The following RALGPS1 variants were observed in gnomAD, a reference collection of about 807,000 sequenced individuals.
The protein encoded by RALGPS1 is Ral GEF with PH domain and SH3 binding motif 1.
A neutral mutation model predicts 78.8 loss-of-function variants in RALGPS1; 19 were observed. The ratio of observed to expected loss-of-function variants is 0.24; its 90% CI spans 0.17 to 0.35. The LOEUF is 0.35. Ranked by LOEUF, RALGPS1 falls within the 10% of genes least tolerant of loss-of-function variation. The probability of loss-of-function intolerance (pLI) is 1.00; values close to 1 mark genes in which losing one functional copy is unlikely to be tolerated. For missense variants in RALGPS1, 454 were observed against 688.3 expected (o/e 0.66, Z 3.81); for synonymous variants, 228 against 256.3 (o/e 0.89, Z 1.06).
chr9:127,212,851 G>C lies in RALGPS1; in HGVS notation c.1447-93G>C. 6.3e-7 allele frequency: 1 copy of C among 1,585,030 alleles called. No homozygotes were observed. Among genetic ancestry groups the C allele is most frequent in the African/African-American group, 1.3e-5 (1 of 74,194 alleles). Reference sequence around the variant, plus strand: ...AGGATGCAGGTGGGAAGGCGGCAGGGGAGGGAGGAAGCCTTGCCTGGCCCA... The same window carrying C: ...AGGATGCAGGTGGGAAGGCGGCAGGCGAGGGAGGAAGCCTTGCCTGGCCCA... On this transcript the variant is annotated intron_variant, in intron 16 of 18. Transcript: ENST00000259351. This position sits in a 1 kb window ranked among gnomAD's most constrained non-coding sequence, Gnocchi z 6.0.
chr9:127,080,068 G>A (rs2051033997), intron 8 of RALGPS1, among the ~76,000 whole-genome samples: 2 of 152,190 alleles, frequency 1.3e-5, no homozygotes, highest in African/African-American at 4.8e-5. Context: ...GGGGGGATTC[G>A]ATAGGCTAGA....
At chr9:127,048,811 G>A (rs2048042429) in intron 5 of RALGPS1, among the ~76,000 whole-genome samples, 2 of 152,196 alleles carry the variant, frequency 1.3e-5, no homozygotes, top group Admixed American at 1.3e-4. Flanking sequence ...TTGAGTCTGA[G>A]CTTAATTGTG....
chr9:127,100,171 T>C (rs2053572889), intron 8 of RALGPS1, among the ~76,000 whole-genome samples: 1 of 152,140 alleles, frequency 6.6e-6, no homozygotes, highest in African/African-American at 2.4e-5. Context: ...AGAAATGAGA[T>C]CCAACCATAA....
chr9:127,166,357 T>C (rs1374758915), intron 9 of RALGPS1, 151 bp downstream of exon 9: 12 of 946,936 alleles, frequency 1.3e-5, no homozygotes, highest in Admixed American at 1.1e-4. Context: ...CTTTTATACA[T>C]AGGTTTGATC....
rs918605739 is a variant in RALGPS1 at position 127,183,102 on chromosome 9, T to C, written c.910+8320T>C. 2.6e-5 allele frequency among the ~76,000 whole-genome samples: 4 copies of C among 152,132 alleles called. No homozygotes were observed. Among genetic ancestry groups the C allele is most frequent in the African/African-American group, 9.7e-5 (4 of 41,432 alleles). On this transcript the variant is annotated intron_variant, in intron 11 of 18. Transcript: ENST00000259351. This position sits in a 1 kb window ranked among gnomAD's most constrained non-coding sequence, Gnocchi z 4.0. Reference sequence around the variant, plus strand: ...GACCTCCCGTGAACTGAGTGAGAACTCACTCATCACCAGGGGGATGGTGCT... The same window carrying C: ...GACCTCCCGTGAACTGAGTGAGAACCCACTCATCACCAGGGGGATGGTGCT...
At chr9:127,037,235 A>G (rs556529035) in intron 5 of RALGPS1, among the ~76,000 whole-genome samples, 1 of 152,252 alleles carries the variant, frequency 6.6e-6, no homozygotes, top group Non-Finnish European at 1.5e-5. Context: ...GACCAGACCA[A>G]CAGGCTTGGG....
At chr9:127,184,579 G>A (rs919051653) in intron 11 of RALGPS1, among the ~76,000 whole-genome samples, 8 of 152,290 alleles carry the variant, frequency 5.3e-5, no homozygotes, top group South Asian at 2.1e-4. Flanking sequence ...CTTGGGAACC[G>A]GATTCTCAGC....
intron 17 of RALGPS1, among the ~76,000 whole-genome samples, chr9:127,213,506 G>C (rs1443131412): frequency 6.6e-6 from 1 of 152,190 alleles, no homozygotes; most frequent in African/African-American, 2.4e-5. Flanking sequence ...GCCTTCTCTA[G>C]CTATCTCCCA....
At chr9:127,034,568 C>T (rs2046699007) in intron 5 of RALGPS1, 54 bp downstream of exon 5, 1 of 1,518,182 alleles carries the variant, frequency 6.6e-7, no homozygotes, top group Non-Finnish European at 9.1e-7. Context: ...CTGCTGTCCC[C>T]TGTAGGCTGC....
intron 8 of RALGPS1, among the ~76,000 whole-genome samples, chr9:127,159,567 G>T (rs2058901527): frequency 6.6e-6 from 1 of 152,164 alleles, no homozygotes; most frequent in East Asian, 1.9e-4. Context: ...TTCACAAAAG[G>T]AATACTCTCT....
At position 127,183,526 on chromosome 9, in the gene RALGPS1, G is replaced by A. The variant is rs1021596720; in HGVS notation, c.910+8744G>A. On this transcript the variant is annotated intron_variant, in intron 11 of 18. Transcript: ENST00000259351. The surrounding 1 kb of genome is among the most constrained non-coding windows in gnomAD (Gnocchi z 4.0). ...ACAGACCTGTGAGCACAACAGACCT[G>A]CCTGTGGCCACCGCTGTCTTCTGGC... is the stretch of plus-strand genomic sequence containing the variant. Among the ~76,000 whole-genome samples the A allele has an allele frequency of 1.3e-5, 2 of 152,152 alleles. No homozygotes were observed. The highest frequency in any genetic ancestry group is 2.9e-5 in the Non-Finnish European group (2 of 68,020).
chr9:127,181,101 C>T (rs1435447115), intron 11 of RALGPS1, among the ~76,000 whole-genome samples: 1 of 152,250 alleles, frequency 6.6e-6, no homozygotes. Context: ...CCACACTCTG[C>T]TGCTCAGGGC....
intron 11 of RALGPS1, among the ~76,000 whole-genome samples, chr9:127,193,424 AAGG>A (rs1216534815): frequency 6.6e-6 from 1 of 152,128 alleles, no homozygotes; most frequent in Admixed American, 6.5e-5. Flanking sequence ...GGGGCGGATG[AAGG>A]AGAAGGTGCC....
intron 5 of RALGPS1, among the ~76,000 whole-genome samples, chr9:127,048,776 T>A (rs1461383902): frequency 6.6e-6 from 1 of 152,236 alleles, no homozygotes; most frequent in Non-Finnish European, 1.5e-5. Context: ...AGAAAAACTT[T>A]TTTCTGTAAC....
chr9:126,949,678 A>G (rs1344356099), intron 1 of RALGPS1, among the ~76,000 whole-genome samples: 19 of 151,818 alleles, frequency 1.3e-4, no homozygotes, highest in Admixed American at 6.6e-5. Flanking sequence ...TTTTCGTGTA[A>G]ATTTGTCTGA....
At chr9:127,116,845 G>A (rs2055482492) in intron 8 of RALGPS1, among the ~76,000 whole-genome samples, 1 of 152,196 alleles carries the variant, frequency 6.6e-6, no homozygotes, top group Non-Finnish European at 1.5e-5. Flanking sequence ...GCAAACAAAG[G>A]TAAGGGATGA....
intron 8 of RALGPS1, among the ~76,000 whole-genome samples, chr9:127,163,073 C>A (rs1254334243): frequency 6.6e-6 from 1 of 152,172 alleles, no homozygotes. Context: ...CCTTTCCCCC[C>A]ATCCTGCTCT....
At chr9:126,931,315 A>G (rs2035768163) in intron 1 of RALGPS1, among the ~76,000 whole-genome samples, 1 of 152,240 alleles carries the variant, frequency 6.6e-6, no homozygotes, top group African/African-American at 2.4e-5. Context: ...GATGACTGCT[A>G]GCGGGCAGCC....
chr9:126,925,076 G>A (rs375485588), intron 1 of RALGPS1, among the ~76,000 whole-genome samples: 30 of 151,936 alleles, frequency 2.0e-4, no homozygotes, highest in African/African-American at 5.8e-4. Context: ...GCGGTGAGCC[G>A]AGATCGCACC....
Sources: allele counts gnomAD v4.1 joint callset (sites outside exome capture counted in the v4.1 genomes callset), GRCh38; gene constraint gnomAD v4.1.1; non-coding constraint Gnocchi (gnomAD v3.1); transcripts MANE v1.5; gene names NCBI Gene and HGNC (gene_info 2026-07-23, HGNC 2026-07-21).